Variants in COX16 observed in about 807,000 individuals in gnomAD.
COX16 encodes the protein cytochrome c oxidase assembly protein COX16 homolog, mitochondrial.
Under a neutral mutation model 15.4 loss-of-function variants are expected in COX16, and 12 were observed. The ratio of observed to expected loss-of-function variants is 0.78; its 90% CI spans 0.50 to 1.26. The LOEUF is 1.26. COX16 is among the 50% of genes most tolerant of loss of function. COX16 has a pLI of 0.00. For missense variants in COX16, 124 were observed against 127.6 expected (o/e 0.97, Z 0.14); for synonymous variants, 46 against 41.1 (o/e 1.12, Z -0.46).
At chr14:70,357,598 C>T (rs1887169732) in intron 1 of COX16, among the ~76,000 whole-genome samples, 1 of 152,142 alleles carries the variant, frequency 6.6e-6, no homozygotes, top group African/African-American at 2.4e-5. Context: ...TTTGAACAGA[C>T]ATTTCTCCAA....
chr14:70,347,717 GC>G (rs1306219510), intron 1 of COX16, among the ~76,000 whole-genome samples: 3 of 152,040 alleles, frequency 2.0e-5, no homozygotes, highest in East Asian at 1.9e-4. Context: ...ACAAATATGA[GC>G]CCCCTTAGTC....
intron 2 of COX16, among the ~76,000 whole-genome samples, chr14:70,339,399 A>AT (rs949714879): frequency 2.6e-5 from 4 of 151,926 alleles, no homozygotes; most frequent in Middle Eastern, 3.4e-3. Flanking sequence ...GAGAAGCAAG[A>AT]TTTTTTTTTC....
rs1886050847 is a variant in COX16, at chr14:70,325,832, G to T, written c.*501C>A. On this transcript the variant is annotated 3_prime_UTR_variant, in exon 4 of 4. Coordinates refer to ENST00000389912, the MANE Select transcript of COX16 (RefSeq NM_016468.7). ...GGAGACTGATTATCATACTATGTGA[G>T]GCATTACAAAGAAAATCAAGACTCT... is the stretch of plus-strand genomic sequence containing the variant. The T allele has an allele frequency of 6.6e-6, 1 of 152,124 alleles. No homozygotes were observed. The highest frequency in any genetic ancestry group is 1.5e-5 in the Non-Finnish European group (1 of 68,060). The allele number at this position is 152,124 out of a possible 1,614,324, so 9.4% of individuals were successfully genotyped here.
rs1886068863 is a variant in COX16, at chr14:70,326,286, A to AGT, written c.*46_*47insAC. ...GTATATATTAGGAAGTCCAGTTAAT[A>AGT]ATATTTTTATTTAAAAAAAAAAAAA... On this transcript the variant is annotated 3_prime_UTR_variant, in exon 4 of 4. Transcript: ENST00000389912. The AGT allele has an allele frequency of 2.1e-5, 29 of 1,372,736 alleles. No homozygotes were observed. Among genetic ancestry groups the AGT allele is most frequent in the East Asian group, 1.6e-4 (6 of 37,336 alleles). 85.0% of individuals were successfully genotyped at this position (1,372,736 alleles called of 1,614,324 possible).
rs1886050219 is a variant in COX16, at chr14:70,325,817, TATCA to T, written c.*512_*515del. 1 of 152,234 alleles carries T rather than the reference TATCA, an allele frequency of 6.6e-6. No individual in the cohort carries two copies. The highest frequency in any genetic ancestry group is 1.5e-5 in the Non-Finnish European group (1 of 68,062). The allele number at this position is 152,234 out of a possible 1,614,324, so 9.4% of individuals were successfully genotyped here. On this transcript the variant is annotated 3_prime_UTR_variant, in exon 4 of 4. Coordinates refer to ENST00000389912, the MANE Select transcript of COX16 (RefSeq NM_016468.7). Reference sequence around the variant, plus strand: ...ATCATGTGATGCTTTGGAGACTGATTATCATACTATGTGAGGCATTACAAAGAAA... The same window carrying T: ...ATCATGTGATGCTTTGGAGACTGATTTACTATGTGAGGCATTACAAAGAAA...
At chr14:70,329,346 A>T in intron 2 of COX16, 110 bp from the exon 3 acceptor site, 1 of 913,392 alleles carries the variant, frequency 1.1e-6, no homozygotes, top group South Asian at 1.9e-5. Flanking sequence ...AAATACAAAC[A>T]CATGGCAAAA....
intron 1 of COX16, among the ~76,000 whole-genome samples, chr14:70,357,425 G>A (rs894415839): frequency 2.6e-5 from 4 of 152,116 alleles, no homozygotes; most frequent in African/African-American, 9.7e-5. Flanking sequence ...AGAAGTGAAG[G>A]CTATACATGG....
intron 2 of COX16, among the ~76,000 whole-genome samples, chr14:70,337,756 T>C (rs1188008497): frequency 6.6e-6 from 1 of 152,156 alleles, no homozygotes. Context: ...ACTACTAGAA[T>C]GTGTAATAAA....
intron 3 of COX16, chr14:70,328,071 G>GTTTTTTTTTTTT (rs1594905215): frequency 5.1e-5 from 3 of 59,110 alleles, no homozygotes; most frequent in East Asian, 5.9e-4. Context: ...CTGAGAATAA[G>GTTTTTTTTTTTT]ATTTTTTTTT....
At chr14:70,355,504 C>T (rs144585701) in intron 1 of COX16, among the ~76,000 whole-genome samples, 2 of 152,238 alleles carry the variant, frequency 1.3e-5, no homozygotes, top group East Asian at 1.9e-4. Context: ...TGATCAAGCA[C>T]GAATCCCAGT....
chr14:70,342,568 C>T, intron 2 of COX16, 90 bp downstream of exon 2: 2 of 1,251,318 alleles, frequency 1.6e-6, no homozygotes, highest in South Asian at 2.0e-5. Context: ...AAGACAAACT[C>T]AGACTACTTA....
At chr14:70,359,177 A>G in intron 1 of COX16, 1 of 475,668 alleles carries the variant, frequency 2.1e-6, no homozygotes, top group East Asian at 6.2e-5. Context: ...CTTGGCTTAA[A>G]GTGTGGTTCT....
intron 1 of COX16, among the ~76,000 whole-genome samples, chr14:70,355,401 T>C (rs539020954): frequency 6.6e-6 from 1 of 152,352 alleles, no homozygotes; most frequent in African/African-American, 2.4e-5. Flanking sequence ...CAGGGCACAA[T>C]GTTTTCTCTT....
chr14:70,342,798 T>C lies in COX16; in HGVS notation c.70-69A>G, dbSNP rs1048838754. On this transcript the variant is annotated intron_variant, in intron 1 of 3. Transcript: ENST00000389912. Reference sequence around the variant, plus strand: ...AATTCAAATTCAGCCTATCTATAGATTGCTTTTCTAAACAACAATAGAGGC... The same window carrying C: ...AATTCAAATTCAGCCTATCTATAGACTGCTTTTCTAAACAACAATAGAGGC... 9.0e-6 allele frequency: 14 copies of C among 1,552,694 alleles called. No homozygotes were observed. In the African/African-American group the frequency reaches 1.5e-4, roughly 17 times the overall value.
At chr14:70,338,176 C>T (rs868305382) in intron 2 of COX16, among the ~76,000 whole-genome samples, 1 of 152,168 alleles carries the variant, frequency 6.6e-6, no homozygotes, top group Non-Finnish European at 1.5e-5. Flanking sequence ...TGCAATGGCA[C>T]GATCACAGCT....
intron 2 of COX16, among the ~76,000 whole-genome samples, chr14:70,330,483 T>C (rs1209808617): frequency 6.6e-6 from 1 of 152,206 alleles, no homozygotes; most frequent in Non-Finnish European, 1.5e-5. Context: ...GTATGAATTA[T>C]GTGGTAAGCA....
intron 2 of COX16, among the ~76,000 whole-genome samples, chr14:70,330,409 G>A (rs753795822): frequency 6.6e-6 from 1 of 152,150 alleles, no homozygotes; most frequent in Non-Finnish European, 1.5e-5. Flanking sequence ...AAAAGTCCAG[G>A]GTCAGATGGC....
At chr14:70,345,143 T>G (rs1378837713) in intron 1 of COX16, among the ~76,000 whole-genome samples, 1 of 152,194 alleles carries the variant, frequency 6.6e-6, no homozygotes, top group East Asian at 1.9e-4. Flanking sequence ...AGCTCCTCGA[T>G]CTCCAGTTGC....
At chr14:70,345,260 G>T (rs954920905) in intron 1 of COX16, among the ~76,000 whole-genome samples, 2 of 152,242 alleles carry the variant, frequency 1.3e-5, no homozygotes, top group Non-Finnish European at 2.9e-5. Context: ...TCTCTGGTCC[G>T]AATATCCAGT....
Sources: allele counts gnomAD v4.1 joint callset (sites outside exome capture counted in the v4.1 genomes callset), GRCh38; gene constraint gnomAD v4.1.1; transcripts MANE v1.5; gene names NCBI Gene and HGNC (gene_info 2026-07-23, HGNC 2026-07-21).